The following NDP variants were observed in gnomAD, a reference collection of about 807,000 sequenced individuals.
The protein encoded by NDP is norrin cystine knot growth factor NDP.
NDP carries 2 observed loss-of-function variants against 8.4 expected under a neutral mutation model. The ratio of observed to expected loss-of-function variants is 0.24; its 90% CI spans 0.10 to 0.75. The LOEUF is 0.75. Ranked by LOEUF, NDP falls within the 30% of genes least tolerant of loss-of-function variation. NDP has a pLI of 0.73. For missense variants in NDP, 81 were observed against 110.1 expected (o/e 0.74, Z 1.18); for synonymous variants, 55 against 45.6 (o/e 1.21, Z -0.83).
chrX:43,955,831 C>T (rs1338849516), intron 2 of NDP, among the ~76,000 whole-genome samples: 1 of 111,336 alleles, frequency 9.0e-6, no homozygotes, highest in Non-Finnish European at 1.9e-5. Context: ...AAGTTCAGGG[C>T]TGGGATGAAC....
At chrX:43,969,122 C>G (rs1198175320) in intron 1 of NDP, among the ~76,000 whole-genome samples, 8 of 111,458 alleles carry the variant, frequency 7.2e-5, no homozygotes, top group Admixed American at 2.8e-4. Flanking sequence ...CCATTTGCAA[C>G]TCATCAACGA....
Position 43,970,605 on chromosome X carries a change from T to C in NDP, c.-208+2699A>G, listed in dbSNP as rs761519967. Among the ~76,000 whole-genome samples, 5 of 111,426 alleles carry C rather than the reference T, an allele frequency of 4.5e-5. No homozygotes were observed. The Admixed American group carries it at 4.7e-4, about 11-fold the overall frequency. ...ACACTGTGTGGCTATGATGGAGACC[T>C]GGGTTTGGGGAAGAGTTTCCAACAG... On this transcript the variant is annotated intron_variant, in intron 1 of 2. Transcript: ENST00000642620.
chrX:43,962,813 G>A (rs1569246464), intron 1 of NDP, among the ~76,000 whole-genome samples: 3 of 111,758 alleles, frequency 2.7e-5, no homozygotes, highest in East Asian at 2.8e-4. Context: ...GTAGGCTGGC[G>A]TGCCCGACTT....
At chrX:43,950,966 G>A (rs756856043) in intron 2 of NDP, among the ~76,000 whole-genome samples, 5 of 111,507 alleles carry the variant, frequency 4.5e-5, no homozygotes, top group Admixed American at 2.9e-4. Flanking sequence ...TCCTGGGAGT[G>A]GGAGTAATAG....
intron 1 of NDP, among the ~76,000 whole-genome samples, chrX:43,966,941 C>T (rs912635725): frequency 1.2e-4 from 13 of 111,966 alleles, no homozygotes; most frequent in African/African-American, 4.2e-4. Flanking sequence ...ATTCCCCATT[C>T]AATTTGCCTT....
chrX:43,963,580 A>G (rs1040909343), intron 1 of NDP, among the ~76,000 whole-genome samples: 12 of 112,460 alleles, frequency 1.1e-4, no homozygotes, highest in Admixed American at 9.4e-4. Context: ...TTGCAAAAAC[A>G]TCAAAGATTT....
At chrX:43,965,281 T>C (rs1270527091) in intron 1 of NDP, among the ~76,000 whole-genome samples, 1 of 110,156 alleles carries the variant, frequency 9.1e-6, no homozygotes, top group Non-Finnish European at 1.9e-5. Flanking sequence ...TAGCCAGGCA[T>C]GGTGGTACAC....
intron 1 of NDP, among the ~76,000 whole-genome samples, chrX:43,971,756 A>C (rs2147215566): frequency 9.0e-6 from 1 of 111,686 alleles, no homozygotes; most frequent in African/African-American, 3.3e-5. Context: ...GGCTTTCTTG[A>C]CTAATGAATA....
At chrX:43,953,719 C>A (rs1367685750) in intron 2 of NDP, among the ~76,000 whole-genome samples, 3 of 113,381 alleles carry the variant, frequency 2.6e-5, no homozygotes, top group Non-Finnish European at 5.6e-5. Flanking sequence ...CTTGCCCAAA[C>A]TCACATAGGT....
chrX:43,957,098 C>G (rs778496924), intron 2 of NDP, among the ~76,000 whole-genome samples: 1 of 111,767 alleles, frequency 8.9e-6, no homozygotes, highest in Admixed American at 9.6e-5. Flanking sequence ...TGGAGGACAA[C>G]TCAATACGGA....
chrX:43,955,072 C>T (rs1275594968), intron 2 of NDP, among the ~76,000 whole-genome samples: 1 of 111,721 alleles, frequency 9.0e-6, no homozygotes, highest in East Asian at 2.8e-4. Context: ...TACTTTTATC[C>T]TCCCTGTTAG....
intron 2 of NDP, among the ~76,000 whole-genome samples, chrX:43,957,422 T>G (rs1274744964): frequency 9.0e-6 from 1 of 111,206 alleles, no homozygotes; most frequent in African/African-American, 3.3e-5. Flanking sequence ...CAGTCATAGA[T>G]CTTATTAATA....
chrX:43,953,302 CCTTA>C (rs1385415225), intron 2 of NDP: 1 of 112,594 alleles, frequency 8.9e-6, no homozygotes, highest in African/African-American at 3.2e-5. Flanking sequence ...TTCTGCCATG[CCTTA>C]CTTGTGTTTC....
At chrX:43,960,090 G>A (rs1415635705) in intron 1 of NDP, among the ~76,000 whole-genome samples, 1 of 111,115 alleles carries the variant, frequency 9.0e-6, no homozygotes, top group Admixed American at 9.6e-5. Context: ...AGTGGAAAGG[G>A]GTGTGTGAGA....
At chrX:43,959,592 TTAA>T (rs771200147) in intron 1 of NDP, among the ~76,000 whole-genome samples, 200 of 111,874 alleles carry the variant, frequency 1.8e-3, no homozygotes, top group African/African-American at 6.3e-3. Context: ...AGACTTACCA[TTAA>T]AATAGGATCA....
chrX:43,961,546 C>T (rs2035826360), intron 1 of NDP, among the ~76,000 whole-genome samples: 1 of 111,436 alleles, frequency 9.0e-6, no homozygotes, highest in African/African-American at 3.3e-5. Flanking sequence ...GAAAGGATAC[C>T]CAAGAAACTA....
At chrX:43,950,458 C>CAAAAAAA (rs11292831) in intron 2 of NDP, among the ~76,000 whole-genome samples, 1 of 59,300 alleles carries the variant, frequency 1.7e-5, no homozygotes, top group African/African-American at 6.3e-5. Flanking sequence ...AAATGACTAC[C>CAAAAAAA]AAAAAAAAAA....
intron 2 of NDP, among the ~76,000 whole-genome samples, chrX:43,956,082 C>T (rs753189603): frequency 9.0e-6 from 1 of 111,411 alleles, no homozygotes; most frequent in African/African-American, 3.3e-5. Flanking sequence ...TTATTTTGGG[C>T]TTCAGTTTTC....
At chrX:43,953,990 G>A (rs775658446) in intron 2 of NDP, among the ~76,000 whole-genome samples, 1 of 112,542 alleles carries the variant, frequency 8.9e-6, no homozygotes, top group African/African-American at 3.2e-5. Context: ...CAAGAGCCTT[G>A]ACTGACCAGA....
Sources: gnomAD v4.1 joint callset for allele counts (sites outside exome capture counted in the v4.1 genomes callset) on GRCh38, gnomAD v4.1.1 for gene constraint, MANE v1.5 for transcripts, NCBI Gene and HGNC (gene_info 2026-07-23, HGNC 2026-07-21) for gene names.